SKAP2: variants seen among roughly 807,000 people sequenced by gnomAD.
SKAP2 encodes the protein src kinase-associated phosphoprotein 2.
A neutral mutation model predicts 54.9 loss-of-function variants in SKAP2; 28 were observed. That is an observed-to-expected ratio of 0.51 (90% confidence interval 0.38 to 0.70). SKAP2 has a LOEUF of 0.70. Among genes scored for constraint, SKAP2 ranks in the 30% least tolerant of loss-of-function variants. The pLI is 0.00. For synonymous variants in SKAP2, 137 were observed against 134.3 expected (o/e 1.02, Z -0.14); for missense variants, 356 against 424.1 (o/e 0.84, Z 1.41).
chr7:26,695,177 C>A (rs1363354358), intron 9 of SKAP2, among the ~76,000 whole-genome samples: 3 of 152,156 alleles, frequency 2.0e-5, no homozygotes, highest in African/African-American at 7.2e-5. Context: ...TCACTAAATA[C>A]CCTCAGAAAA....
At chr7:26,678,244 C>T (rs769508119) in intron 11 of SKAP2, among the ~76,000 whole-genome samples, 1 of 152,076 alleles carries the variant, frequency 6.6e-6, no homozygotes, top group Non-Finnish European at 1.5e-5. Context: ...TTCCCTCCCC[C>T]ACTCCCTGCC....
In SKAP2 at chr7:26,792,604, AAAG is replaced by A. The variant is rs142554858; in HGVS notation, c.307+51423_307+51425del. Among the ~76,000 whole-genome samples, 19 of 152,330 alleles carry A rather than the reference AAAG, an allele frequency of 1.2e-4. No homozygotes were observed. The East Asian group carries it at 1.3e-3, about 11-fold the overall frequency. ...ACTATGAAACATCAAAATATCTTAA[AAAG>A]AAGATTACTTTTCTTAATATTTTAT... On this transcript the variant is annotated intron_variant, in intron 4 of 12. Coordinates refer to ENST00000345317, the MANE Select transcript of SKAP2 (RefSeq NM_003930.5).
chr7:26,693,864 G>A (rs991738410), intron 9 of SKAP2, among the ~76,000 whole-genome samples: 5 of 151,832 alleles, frequency 3.3e-5, no homozygotes, highest in Non-Finnish European at 7.4e-5. Flanking sequence ...AATCAAATAT[G>A]GTGTATGTTT....
chr7:26,670,332 T>C, intron 11 of SKAP2, 140 bp from the exon 12 acceptor site: 1 of 556,620 alleles, frequency 1.8e-6, no homozygotes. Flanking sequence ...TTCATCTTTT[T>C]GTTTCTGGAC....
intron 4 of SKAP2, among the ~76,000 whole-genome samples, chr7:26,741,879 C>A (rs1422810701): frequency 6.6e-6 from 1 of 150,756 alleles, no homozygotes; most frequent in Non-Finnish European, 1.5e-5. Context: ...GATATTTTTT[C>A]TTAAGAAATA....
At chr7:26,684,683 A>C (rs1455362446) in intron 11 of SKAP2, 53 bp downstream of exon 11, 7 of 1,114,298 alleles carry the variant, frequency 6.3e-6, no homozygotes, top group Non-Finnish European at 8.2e-6. Context: ...ATGCATTAAA[A>C]ATCGAGCTTT....
At chr7:26,673,183 A>G (rs1786278781) in intron 11 of SKAP2, among the ~76,000 whole-genome samples, 1 of 152,094 alleles carries the variant, frequency 6.6e-6, no homozygotes, top group Admixed American at 6.6e-5. Context: ...AATGTTAGGA[A>G]GCATCATGTA....
Position 26,669,000 on chromosome 7 carries a change from C to A in SKAP2, c.*666G>T, listed in dbSNP as rs961776929. ...CCATCATCGCACCAGGATATTTGTA[C>A]GGTAAAATGCTTTGCATGAGTCATA... is the stretch of plus-strand genomic sequence containing the variant. On this transcript the variant is annotated 3_prime_UTR_variant, in exon 13 of 13. Transcript: ENST00000345317. 4 of 152,036 alleles carry A rather than the reference C, an allele frequency of 2.6e-5. No individual in the cohort carries two copies. The highest frequency in any genetic ancestry group is 3.9e-4 in the East Asian group (2 of 5,192). The allele number at this position is 152,036 out of a possible 1,614,324, so 9.4% of individuals were successfully genotyped here.
At chr7:26,711,316 T>C (rs1168916148) in intron 9 of SKAP2, among the ~76,000 whole-genome samples, 1 of 152,200 alleles carries the variant, frequency 6.6e-6, no homozygotes, top group East Asian at 1.9e-4. Context: ...ATATATCTGT[T>C]CCTCTTATTA....
chr7:26,824,010 T>C (rs955028039), intron 4 of SKAP2, among the ~76,000 whole-genome samples: 3 of 152,136 alleles, frequency 2.0e-5, no homozygotes, highest in Admixed American at 6.5e-5. Context: ...TTTGAGAGGA[T>C]TGACTCCAAT....
At chr7:26,662,857 G>A (rs1298416154), downstream of SKAP2, among the ~76,000 whole-genome samples, 1 of 152,120 alleles carries the variant, frequency 6.6e-6, no homozygotes, top group Non-Finnish European at 1.5e-5. Flanking sequence ...TGTGAACTAT[G>A]TAGAGCGATA....
At chr7:26,720,235 GT>G (rs1260686552) in intron 9 of SKAP2, among the ~76,000 whole-genome samples, 1 of 152,170 alleles carries the variant, frequency 6.6e-6, no homozygotes, top group Non-Finnish European at 1.5e-5. Context: ...GGAAATATAT[GT>G]TTTGTGTGCA....
At chr7:26,857,580 C>T in intron 1 of SKAP2, 1 of 985,392 alleles carries the variant, frequency 1.0e-6, no homozygotes, top group South Asian at 4.7e-5. Context: ...ACAGACCAAG[C>T]GCCGCAAAGA....
At chr7:26,821,347 T>C (rs1168138067) in intron 4 of SKAP2, among the ~76,000 whole-genome samples, 5 of 152,166 alleles carry the variant, frequency 3.3e-5, no homozygotes, top group Non-Finnish European at 5.9e-5. Flanking sequence ...AGATAAAATG[T>C]ATCACCAGGA....
intron 4 of SKAP2, among the ~76,000 whole-genome samples, chr7:26,841,667 G>C (rs1193783118): frequency 6.6e-6 from 1 of 152,058 alleles, no homozygotes; most frequent in Non-Finnish European, 1.5e-5. Context: ...TTTTGAACCA[G>C]AGGAATAGAG....
At chr7:26,663,443 CTGCTTGGG>C (rs1415352949), downstream of SKAP2, among the ~76,000 whole-genome samples, 1 of 152,138 alleles carries the variant, frequency 6.6e-6, no homozygotes, top group Non-Finnish European at 1.5e-5. Flanking sequence ...GTACAAGGCA[CTGCTTGGG>C]TGTCCACGGA....
At chr7:26,720,956 T>C (rs1787564948) in intron 9 of SKAP2, among the ~76,000 whole-genome samples, 2 of 152,290 alleles carry the variant, frequency 1.3e-5, no homozygotes, top group South Asian at 4.1e-4. Flanking sequence ...AATCTAGTTA[T>C]CTACTTGGGA....
chr7:26,690,143 G>A, intron 10 of SKAP2, 142 bp downstream of exon 10: 1 of 618,774 alleles, frequency 1.6e-6, no homozygotes, highest in East Asian at 2.8e-5. Context: ...GGACTAAGCA[G>A]CTTATCAGCC....
chr7:26,682,178 T>C (rs1014910965), intron 11 of SKAP2, among the ~76,000 whole-genome samples: 8 of 152,224 alleles, frequency 5.3e-5, no homozygotes, highest in Non-Finnish European at 1.0e-4. Flanking sequence ...TATTCACATA[T>C]TAAATGAATT....
Sources: gnomAD v4.1 joint callset for allele counts (sites outside exome capture counted in the v4.1 genomes callset) on GRCh38, gnomAD v4.1.1 for gene constraint, MANE v1.5 for transcripts, NCBI Gene and HGNC (gene_info 2026-07-23, HGNC 2026-07-21) for gene names.